Variants in PLCE1 observed in about 807,000 individuals in gnomAD.
PLCE1 encodes phospholipase C epsilon 1.
A neutral mutation model predicts 242.8 loss-of-function variants in PLCE1; 119 were observed. The observed-to-expected ratio is 0.49, with a 90% CI of 0.42 to 0.57. PLCE1 has a LOEUF of 0.57. PLCE1 is among the 20% of genes least tolerant of loss of function. The probability of loss-of-function intolerance (pLI) is 0.00; values close to 1 mark genes in which losing one functional copy is unlikely to be tolerated. For missense variants in PLCE1, 2,441 were observed against 2,788.8 expected (o/e 0.88, Z 2.81); for synonymous variants, 945 against 1,017.4 (o/e 0.93, Z 1.35).
Position 94,234,036 on chromosome 10 carries a change from G to A in PLCE1, c.1956-18G>A. On this transcript the variant is annotated intron_variant, in intron 5 of 32. Coordinates refer to ENST00000371380, the MANE Select transcript of PLCE1 (RefSeq NM_016341.4). ...TTATTTCTCCTTCAGTCTGAAAAAT[G>A]TCATTTACTTGCAATAGGTCAAGAA... The A allele has an allele frequency of 6.2e-7, 1 of 1,606,228 alleles. No individual in the cohort carries two copies.
intron 32 of PLCE1, among the ~76,000 whole-genome samples, chr10:94,326,345 C>T (rs1391455302): frequency 6.6e-6 from 1 of 152,152 alleles, no homozygotes. Flanking sequence ...CAAAAGAAGG[C>T]CCAATACATT....
intron 1 of PLCE1, among the ~76,000 whole-genome samples, chr10:94,029,855 T>C (rs1016038143): frequency 6.6e-6 from 1 of 152,184 alleles, no homozygotes; most frequent in African/African-American, 2.4e-5. Flanking sequence ...GAGCAACTGC[T>C]TCTCCTGGAA....
intron 4 of PLCE1, among the ~76,000 whole-genome samples, chr10:94,179,521 T>TGTTTTTTGTTTTTTG (rs67919831): frequency 0.04 from 3,352 of 84,674 alleles, 266 homozygotes; most frequent in Admixed American, 0.15. Flanking sequence ...AGTTTTTTTT[T>TGTTTTTTGTTTTTTG]TTTTTTTTTG....
chr10:94,034,072 A>G (rs1467407417), intron 2 of PLCE1, among the ~76,000 whole-genome samples: 1 of 152,170 alleles, frequency 6.6e-6, no homozygotes, highest in African/African-American at 2.4e-5. Flanking sequence ...GAGCAAAGAC[A>G]TGTCTTATAT....
rs1382575594 is a variant in PLCE1, at chr10:94,331,582, C to T, written c.*3639C>T. On this transcript the variant is annotated 3_prime_UTR_variant, in exon 33 of 33. Transcript: ENST00000371380. ...GGGAAAGTGCTCTCATGGTGAAAGTCTCTGACCCCTTTTCAGTTGCTTATA... is the reference window on the plus strand; with the variant it reads ...GGGAAAGTGCTCTCATGGTGAAAGTTTCTGACCCCTTTTCAGTTGCTTATA... The T allele has an allele frequency of 6.6e-6, 1 of 152,194 alleles. No homozygotes were observed. The highest frequency in any genetic ancestry group is 6.5e-5 in the Admixed American group (1 of 15,278). 9.4% of individuals were successfully genotyped at this position (152,194 alleles called of 1,614,324 possible).
chr10:94,152,732 C>T (rs1314275308), intron 3 of PLCE1, among the ~76,000 whole-genome samples: 1 of 152,128 alleles, frequency 6.6e-6, no homozygotes, highest in African/African-American at 2.4e-5. Context: ...AGCTAAGCAG[C>T]ACATTCTGTA....
rs557619291 is a variant in PLCE1, at chr10:94,252,700, C to T, written c.3279+202C>T. The stretch of plus-strand genomic sequence containing the variant: ...GGAAAAGACAAGGTCCGCAGAAGGA[C>T]ATAGACATGTAAACAAACACAGTGC... On this transcript the variant is annotated intron_variant, in intron 9 of 32. Transcript: ENST00000371380. Among the ~76,000 whole-genome samples the T allele has an allele frequency of 2.0e-5, 3 of 152,188 alleles. 1 individual carries two copies. The South Asian group carries it at 6.2e-4, about 32-fold the overall frequency.
At chr10:94,126,741 A>C (rs1170091741) in intron 2 of PLCE1, among the ~76,000 whole-genome samples, 1 of 152,232 alleles carries the variant, frequency 6.6e-6, no homozygotes, top group Admixed American at 6.5e-5. Context: ...TAAAACTATA[A>C]ATCTTCACAT....
At chr10:94,201,241 C>A (rs2048976549) in intron 4 of PLCE1, among the ~76,000 whole-genome samples, 1 of 152,208 alleles carries the variant, frequency 6.6e-6, no homozygotes, top group Admixed American at 6.5e-5. Flanking sequence ...AGTTGCTCCA[C>A]ATCCACACCA....
chr10:94,311,434 C>T (rs182454398), intron 27 of PLCE1, among the ~76,000 whole-genome samples: 8 of 152,278 alleles, frequency 5.3e-5, no homozygotes, highest in African/African-American at 1.7e-4. Flanking sequence ...GGGACAAAGA[C>T]CAAATATGTA....
At chr10:94,139,495 A>C (rs2135988362) in intron 3 of PLCE1, 1 of 155,386 alleles carries the variant, frequency 6.4e-6, no homozygotes, top group East Asian at 1.9e-4. Flanking sequence ...AAGGAGGTCA[A>C]GTTGGCTGAG....
intron 2 of PLCE1, among the ~76,000 whole-genome samples, chr10:94,073,914 A>G (rs989388847): frequency 2.0e-5 from 3 of 152,180 alleles, no homozygotes; most frequent in Non-Finnish European, 4.4e-5. Context: ...AGGCGGGAAA[A>G]CAGGAATTAG....
chr10:94,044,828 A>T (rs2061846080), intron 2 of PLCE1, among the ~76,000 whole-genome samples: 1 of 151,034 alleles, frequency 6.6e-6, no homozygotes, highest in South Asian at 2.1e-4. Flanking sequence ...TTTTTCTTGG[A>T]TTCATACATT....
intron 3 of PLCE1, among the ~76,000 whole-genome samples, chr10:94,137,090 G>C (rs1259636430): frequency 2.0e-5 from 3 of 152,292 alleles, no homozygotes; most frequent in African/African-American, 7.2e-5. Flanking sequence ...CTACTCGGGA[G>C]GCTGAGGCAG....
Position 94,321,917 on chromosome 10 carries a change from A to G in PLCE1, c.6359A>G (p.Asn2120Ser), listed in dbSNP as rs908769656. Residue 2120 changes from asparagine to serine, a missense_variant, in exon 30 of 33, where the codon AAC (asparagine) becomes AGC (serine). By Grantham distance (46) the Asn-to-Ser change is conservative. This residue lies in a region of PLCE1 where 310 missense variants were observed against 317.2 expected (regional missense o/e 0.98). Coordinates refer to ENST00000371380, the MANE Select transcript of PLCE1 (RefSeq NM_016341.4). ...TAAACATAGAACCTAGAAGAGAAAA[A>G]CATTGTTCAAGATGACAAAGAGGTG... is the stretch of plus-strand genomic sequence containing the variant. Reference protein sequence around the residue: ...KTQQENLEEKNIVQDDKEVIL... With the variant: ...KTQQENLEEKSIVQDDKEVIL... 3 of 1,613,386 alleles carry G rather than the reference A, an allele frequency of 1.9e-6. No homozygotes were observed. The highest frequency in any genetic ancestry group is 1.7e-6 in the Non-Finnish European group (2 of 1,179,442).
intron 4 of PLCE1, among the ~76,000 whole-genome samples, chr10:94,226,523 A>G (rs1258334131): frequency 6.6e-6 from 1 of 152,176 alleles, no homozygotes; most frequent in African/African-American, 2.4e-5. Flanking sequence ...ATATTTGTTC[A>G]TAATATTTTG....
chr10:94,317,245 A>T (rs925094528), intron 29 of PLCE1, among the ~76,000 whole-genome samples: 1 of 152,032 alleles, frequency 6.6e-6, no homozygotes, highest in Admixed American at 6.6e-5. Flanking sequence ...ACAGAACAAG[A>T]CTCTGTCTCA....
intron 2 of PLCE1, among the ~76,000 whole-genome samples, chr10:94,069,288 T>G (rs1307412823): frequency 1.3e-5 from 2 of 152,148 alleles, no homozygotes; most frequent in African/African-American, 2.4e-5. Flanking sequence ...GGAATTGAGG[T>G]CAAGATCCAA....
chr10:94,230,040 GA>G (rs989865722), intron 5 of PLCE1, among the ~76,000 whole-genome samples: 8 of 140,664 alleles, frequency 5.7e-5, no homozygotes, highest in South Asian at 2.4e-4. Flanking sequence ...ACATAATAGA[GA>G]TTTTTTTTAT....
Sources: allele counts gnomAD v4.1 joint callset (sites outside exome capture counted in the v4.1 genomes callset), GRCh38; gene constraint gnomAD v4.1.1; regional missense constraint gnomAD v4.1.1; transcripts MANE v1.5; gene names NCBI Gene and HGNC (gene_info 2026-07-23, HGNC 2026-07-21).